The following EYS variants were observed in gnomAD, a reference collection of about 807,000 sequenced individuals.
EYS encodes the protein EGF-like photoreceptor maintenance factor, also known as protein eyes shut homolog.
A neutral mutation model predicts 282.1 loss-of-function variants in EYS; 250 were observed. That is an observed-to-expected ratio of 0.89 (90% CI 0.80 to 0.98). EYS has a LOEUF of 0.98. EYS is among the 50% of genes least tolerant of loss of function. The probability of loss-of-function intolerance (pLI) is 0.00; values close to 1 mark genes in which losing one functional copy is unlikely to be tolerated. For synonymous variants in EYS, 1,355 were observed against 1,282.9 expected, an observed-to-expected ratio of 1.06 and a Z score of -1.20; for missense variants, 4,016 against 3,709.0, an observed-to-expected ratio of 1.08 and a Z score of -2.15.
intron 35 of EYS, among the ~76,000 whole-genome samples, chr6:63,962,467 C>T (rs1766111992): frequency 6.6e-6 from 1 of 152,164 alleles, no homozygotes; most frequent in Non-Finnish European, 1.5e-5. Context: ...ACAGACACTT[C>T]TCAAAAGAAG....
At chr6:65,051,156 C>A (rs73765739) in intron 13 of EYS, among the ~76,000 whole-genome samples, 1 of 151,450 alleles carries the variant, frequency 6.6e-6, no homozygotes, top group Admixed American at 6.6e-5. Context: ...TATGACAAAG[C>A]CTTATCTTTT....
intron 12 of EYS, among the ~76,000 whole-genome samples, chr6:65,182,982 G>T (rs1193682944): frequency 6.6e-6 from 1 of 151,704 alleles, no homozygotes; most frequent in Non-Finnish European, 1.5e-5. Flanking sequence ...GTAGAGACAG[G>T]ATTTCCTCAT....
At chr6:65,347,643 T>C (rs1770451856) in intron 9 of EYS, among the ~76,000 whole-genome samples, 2 of 151,696 alleles carry the variant, frequency 1.3e-5, no homozygotes, top group East Asian at 1.9e-4. Context: ...GATATTTTGC[T>C]ACAGGCATAC....
chr6:65,537,560 A>AGAGAG (rs1171845939), intron 2 of EYS, among the ~76,000 whole-genome samples: 1 of 151,424 alleles, frequency 6.6e-6, no homozygotes, highest in Non-Finnish European at 1.5e-5. Context: ...AGAGAAAGAG[A>AGAGAG]GAGAGATCTG....
chr6:64,618,477 A>G (rs1562094909), intron 23 of EYS, among the ~76,000 whole-genome samples: 2 of 152,096 alleles, frequency 1.3e-5, no homozygotes, highest in Non-Finnish European at 2.9e-5. Context: ...TTATTTTTCT[A>G]TGTATTGTCC....
In EYS at chr6:64,030,443, T is replaced by C. The variant is rs553843057; in HGVS notation, c.6726-31260A>G. 3.9e-5 allele frequency among the ~76,000 whole-genome samples: 6 copies of C among 152,292 alleles called. No individual in the cohort carries two copies. In the East Asian group the frequency reaches 1.2e-3, roughly 29 times the overall value. ...TCTTACTTTACAATCCCAAATAGAC[T>C]CTTTGGCAGCAGTAACTCTCCAAAA... On this transcript the variant is annotated intron_variant, in intron 33 of 42. Coordinates refer to ENST00000503581, the MANE Select transcript of EYS (RefSeq NM_001142800.2).
At chr6:64,571,323 C>A (rs1377628202) in intron 26 of EYS, among the ~76,000 whole-genome samples, 4 of 152,102 alleles carry the variant, frequency 2.6e-5, no homozygotes, top group Non-Finnish European at 4.4e-5. Context: ...CAGGAGAAAG[C>A]AGAAAAGATC....
At chr6:65,580,118 T>C (rs1049679269) in intron 2 of EYS, among the ~76,000 whole-genome samples, 2 of 152,124 alleles carry the variant, frequency 1.3e-5, no homozygotes, top group African/African-American at 4.8e-5. Context: ...TTGTTAGGTT[T>C]TGAAAAATGT....
chr6:63,811,712 G>A (rs1050373192), intron 36 of EYS, among the ~76,000 whole-genome samples: 2 of 151,836 alleles, frequency 1.3e-5, no homozygotes, highest in Non-Finnish European at 2.9e-5. Flanking sequence ...CATACACAAA[G>A]CAAAACTCTT....
At chr6:65,302,208 A>G (rs1348907680) in intron 11 of EYS, among the ~76,000 whole-genome samples, 21 of 152,266 alleles carry the variant, frequency 1.4e-4, no homozygotes, top group African/African-American at 5.1e-4. Flanking sequence ...TTAAAAACAC[A>G]TGCTGTGTTT....
intron 12 of EYS, among the ~76,000 whole-genome samples, chr6:65,078,486 A>G (rs114991241): frequency 6.6e-6 from 1 of 152,210 alleles, no homozygotes; most frequent in Non-Finnish European, 1.5e-5. Context: ...AAAAAAAGTA[A>G]AGGTCAAAGG....
intron 33 of EYS, among the ~76,000 whole-genome samples, chr6:64,005,840 G>T (rs1768320161): frequency 6.6e-6 from 1 of 151,828 alleles, no homozygotes; most frequent in South Asian, 2.1e-4. Context: ...CTGTTTTTTT[G>T]TACAAGTACC....
intron 31 of EYS, among the ~76,000 whole-genome samples, chr6:64,143,702 G>A (rs1377555770): frequency 2.0e-5 from 3 of 152,186 alleles, no homozygotes; most frequent in Non-Finnish European, 4.4e-5. Flanking sequence ...TCAGCCAGAT[G>A]TGTCAGCCAC....
chr6:63,741,279 G>A (rs1322617793), intron 41 of EYS, among the ~76,000 whole-genome samples: 1 of 152,006 alleles, frequency 6.6e-6, no homozygotes, highest in Non-Finnish European at 1.5e-5. Flanking sequence ...ATTTACTCCT[G>A]TTTAACAAGT....
intron 24 of EYS, among the ~76,000 whole-genome samples, chr6:64,599,732 G>A (rs1294559693): frequency 1.3e-5 from 2 of 152,094 alleles, no homozygotes; most frequent in African/African-American, 2.4e-5. Context: ...CTAGAAAATG[G>A]CAGAGCAAAG....
intron 32 of EYS, among the ~76,000 whole-genome samples, chr6:64,074,371 C>T (rs551778634): frequency 4.0e-5 from 6 of 151,052 alleles, no homozygotes; most frequent in Admixed American, 2.7e-4. Context: ...ATAAATATCA[C>T]ATGGAGAAAC....
intron 29 of EYS, among the ~76,000 whole-genome samples, chr6:64,351,533 T>C (rs1312866935): frequency 6.6e-6 from 1 of 151,544 alleles, no homozygotes; most frequent in Non-Finnish European, 1.5e-5. Flanking sequence ...TATCCGCCTA[T>C]AGATAGATAG....
chr6:64,890,611 A>T (rs1255432382), intron 18 of EYS, among the ~76,000 whole-genome samples: 1 of 152,046 alleles, frequency 6.6e-6, no homozygotes, highest in Admixed American at 6.6e-5. Flanking sequence ...AAATGTATTT[A>T]CTCTAATTTA....
intron 22 of EYS, among the ~76,000 whole-genome samples, chr6:64,734,762 A>C (rs1051511568): frequency 6.6e-6 from 1 of 152,192 alleles, no homozygotes; most frequent in Non-Finnish European, 1.5e-5. Context: ...TCACACGGAC[A>C]GGAAGGGGTA....
Sources: allele counts gnomAD v4.1 joint callset (sites outside exome capture counted in the v4.1 genomes callset), GRCh38; gene constraint gnomAD v4.1.1; transcripts MANE v1.5; gene names NCBI Gene and HGNC (gene_info 2026-07-23, HGNC 2026-07-21).